The following PRKAG2 variants were observed in gnomAD, a reference collection of about 807,000 sequenced individuals.
PRKAG2 encodes the protein 5'-AMP-activated protein kinase subunit gamma-2.
In PRKAG2, 26 loss-of-function variants were observed where a neutral mutation model predicts 69.6. That is an observed-to-expected ratio of 0.37 (90% CI 0.27 to 0.52). PRKAG2 has a LOEUF of 0.52. Among genes scored for constraint, PRKAG2 ranks in the 20% least tolerant of loss-of-function variants. The probability of loss-of-function intolerance (pLI) is 0.90; values close to 1 mark genes in which losing one functional copy is unlikely to be tolerated. For synonymous variants in PRKAG2, 293 were observed against 285.0 expected (o/e 1.03, Z -0.28); for missense variants, 557 against 740.0 (o/e 0.75, Z 2.87).
chr7:151,593,546 T>C (rs1813741015), intron 6 of PRKAG2, among the ~76,000 whole-genome samples: 1 of 152,022 alleles, frequency 6.6e-6, no homozygotes. Flanking sequence ...GAAAATCTGG[T>C]ATTTTAAAAA....
In PRKAG2 at chr7:151,559,378, A is replaced by C. The variant is rs924139727; in HGVS notation, c.1678+1146T>G. ...TTTCATGATTATAGAGACTATTGTG[A>C]GATTCAGGTCTTTTAAACACTTGAA... On this transcript the variant is annotated intron_variant, in intron 15 of 15. Transcript: ENST00000287878. The C allele has an allele frequency of 1.9e-5, 19 of 985,266 alleles. No individual in the cohort carries two copies. In the Admixed American group the frequency reaches 3.1e-4, roughly 16 times the overall value. 61.0% of individuals were successfully genotyped at this position (985,266 alleles called of 1,614,324 possible). A position where few individuals can be genotyped will look rare whatever the true frequency, so the allele number is the denominator to read the frequency against.
At chr7:151,721,236 C>T (rs568444338) in intron 3 of PRKAG2, among the ~76,000 whole-genome samples, 1 of 152,180 alleles carries the variant, frequency 6.6e-6, no homozygotes, top group Admixed American at 6.5e-5. Flanking sequence ...ACCCATCCTG[C>T]ATCCTGAAGC....
chr7:151,726,371 G>GACACACACACACACAC (rs60238080), intron 3 of PRKAG2, among the ~76,000 whole-genome samples: 72 of 148,386 alleles, frequency 4.9e-4, no homozygotes, highest in African/African-American at 1.2e-3. Context: ...AGGGAGGCAG[G>GACACACACACACACAC]ACACACACAC....
intron 14 of PRKAG2, among the ~76,000 whole-genome samples, chr7:151,563,188 T>TA (rs1313967163): frequency 1.3e-5 from 2 of 152,220 alleles, no homozygotes; most frequent in Non-Finnish European, 2.9e-5. Flanking sequence ...ACTGATACTG[T>TA]ACACCCTTCT....
chr7:151,578,450 CTT>C (rs1213161959), intron 6 of PRKAG2, among the ~76,000 whole-genome samples: 1 of 152,176 alleles, frequency 6.6e-6, no homozygotes, highest in African/African-American at 2.4e-5. Flanking sequence ...GGACTAATAA[CTT>C]AGTACCTATT....
chr7:151,700,476 C>T (rs1285915107), intron 3 of PRKAG2, among the ~76,000 whole-genome samples: 3 of 152,142 alleles, frequency 2.0e-5, no homozygotes, highest in Non-Finnish European at 2.9e-5. Context: ...CCAGGGGTTC[C>T]GAATTTTGGC....
intron 1 of PRKAG2, among the ~76,000 whole-genome samples, chr7:151,808,814 G>A (rs1248375215): frequency 6.6e-6 from 1 of 152,184 alleles, no homozygotes; most frequent in Non-Finnish European, 1.5e-5. Context: ...AGCCAGGGAG[G>A]AGCAGCTGCA....
chr7:151,832,411 T>A (rs1485536123), intron 1 of PRKAG2, among the ~76,000 whole-genome samples: 2 of 152,062 alleles, frequency 1.3e-5, no homozygotes, highest in Non-Finnish European at 2.9e-5. Flanking sequence ...CACAGTGCCT[T>A]CCCAGGCAGC....
In PRKAG2 at chr7:151,632,195, G is replaced by A. The variant is rs969043269; in HGVS notation, c.685-57C>T. On this transcript the variant is annotated intron_variant, in intron 4 of 15. Coordinates refer to ENST00000287878, the MANE Select transcript of PRKAG2 (RefSeq NM_016203.4). This position sits in a 1 kb window ranked among gnomAD's most constrained non-coding sequence, Gnocchi z 4.2. ...TGAGCTGCGACGCTCGTCCCCGGCCGGCGGGCTCGCGGCCGGCCGAGCGCT... is the reference window on the plus strand; with the variant it reads ...TGAGCTGCGACGCTCGTCCCCGGCCAGCGGGCTCGCGGCCGGCCGAGCGCT... 4.8e-5 allele frequency: 58 copies of A among 1,196,778 alleles called. No individual in the cohort carries two copies. The highest frequency in any genetic ancestry group is 3.7e-4 in the Admixed American group (9 of 24,346). 74.1% of individuals were successfully genotyped at this position (1,196,778 alleles called of 1,614,324 possible).
At chr7:151,792,124 A>T (rs1312870977) in intron 1 of PRKAG2, among the ~76,000 whole-genome samples, 3 of 152,252 alleles carry the variant, frequency 2.0e-5, no homozygotes, top group Non-Finnish European at 4.4e-5. Context: ...CAGAGGCTAT[A>T]AAAAGAGAGC....
chr7:151,696,992 A>G (rs965886272), intron 3 of PRKAG2, among the ~76,000 whole-genome samples: 1 of 151,850 alleles, frequency 6.6e-6, no homozygotes, highest in African/African-American at 2.4e-5. Context: ...GAAAAAGTGG[A>G]CCCTGCCCCC....
intron 6 of PRKAG2, among the ~76,000 whole-genome samples, chr7:151,594,195 G>T (rs1412155012): frequency 6.6e-6 from 1 of 152,208 alleles, no homozygotes; most frequent in Non-Finnish European, 1.5e-5. Context: ...GGCCCTTGCT[G>T]GGTGTCTTCC....
At chr7:151,853,476 A>C (rs1254170132) in intron 1 of PRKAG2, among the ~76,000 whole-genome samples, 1 of 152,178 alleles carries the variant, frequency 6.6e-6, no homozygotes, top group African/African-American at 2.4e-5. Context: ...TGAGGTTAGA[A>C]AATAGTCAAA....
chr7:151,645,316 C>T (rs190006908), intron 4 of PRKAG2, among the ~76,000 whole-genome samples: 1 of 152,342 alleles, frequency 6.6e-6, no homozygotes, highest in Admixed American at 6.5e-5. Context: ...TGAACTAAGG[C>T]TCTCAGTCTA....
chr7:151,559,584 T>C (rs544040152), intron 15 of PRKAG2: 1 of 985,356 alleles, frequency 1.0e-6, no homozygotes, highest in East Asian at 1.1e-4. Context: ...TGTTCTCATT[T>C]AGCGAATAAG....
intron 1 of PRKAG2, among the ~76,000 whole-genome samples, chr7:151,815,354 A>G (rs2078610628): frequency 6.6e-6 from 1 of 152,072 alleles, no homozygotes; most frequent in South Asian, 2.1e-4. Context: ...TGGAGATAGT[A>G]AGCAACTCAT....
At chr7:151,854,794 G>A (rs928833381) in intron 1 of PRKAG2, among the ~76,000 whole-genome samples, 7 of 152,226 alleles carry the variant, frequency 4.6e-5, no homozygotes, top group South Asian at 4.2e-4. Context: ...GGGAGGCAGC[G>A]GGGGAGTCAC....
chr7:151,598,850 T>C (rs1368504595), intron 5 of PRKAG2, among the ~76,000 whole-genome samples: 5 of 146,496 alleles, frequency 3.4e-5, no homozygotes, highest in Non-Finnish European at 5.9e-5. Context: ...ATTTATTTTT[T>C]TATGTATTTT....
intron 7 of PRKAG2, chr7:151,576,142 T>G: frequency 1.8e-6 from 1 of 557,114 alleles, no homozygotes; most frequent in Non-Finnish European, 3.2e-6. Flanking sequence ...GGTCTTGCTA[T>G]GTTGCCCAGG....
Sources: gnomAD v4.1 joint callset for allele counts (sites outside exome capture counted in the v4.1 genomes callset) on GRCh38, gnomAD v4.1.1 for gene constraint, Gnocchi (gnomAD v3.1) non-coding constraint, MANE v1.5 for transcripts, NCBI Gene and HGNC (gene_info 2026-07-23, HGNC 2026-07-21) for gene names.